ANKS1B: variants seen among roughly 807,000 people sequenced by gnomAD.
ANKS1B encodes the protein ankyrin repeat and sterile alpha motif domain containing 1B.
A neutral mutation model predicts 148.3 loss-of-function variants in ANKS1B; 36 were observed. The observed-to-expected ratio is 0.24, with a 90% CI of 0.19 to 0.32. The LOEUF is 0.32. ANKS1B is among the 10% of genes least tolerant of loss of function. The probability of loss-of-function intolerance (pLI) is 1.00; values close to 1 mark genes in which losing one functional copy is unlikely to be tolerated. For synonymous variants in ANKS1B, 542 were observed against 560.8 expected (o/e 0.97, Z 0.47); for missense variants, 1,157 against 1,542.6 (o/e 0.75, Z 4.19).
At chr12:99,476,469 T>C (rs1413592552) in intron 10 of ANKS1B, among the ~76,000 whole-genome samples, 1 of 152,094 alleles carries the variant, frequency 6.6e-6, no homozygotes, top group East Asian at 1.9e-4. Flanking sequence ...GAAAGAATAG[T>C]TGTACTACAT....
Position 99,218,168 on chromosome 12 carries a change from C to T in ANKS1B, c.2419+26174G>A, listed in dbSNP as rs187204755. 4.2e-3 allele frequency among the ~76,000 whole-genome samples: 634 copies of T among 152,244 alleles called. 3 individuals carry two copies. Among genetic ancestry groups the T allele is most frequent in the Admixed American group, 8.2e-3 (125 of 15,284 alleles). ...AAAGCTTCTTGGATGAAAAGATGCT[C>T]TCCTTCTAACTTCTGCTTTTTGAAT... On this transcript the variant is annotated intron_variant, in intron 14 of 26. Transcript: ENST00000683438.
At chr12:99,280,020 A>G (rs1044266989) in intron 12 of ANKS1B, among the ~76,000 whole-genome samples, 13 of 152,120 alleles carry the variant, frequency 8.5e-5, no homozygotes, top group African/African-American at 3.1e-4. Context: ...AATAAAAATA[A>G]AATAAATAAT....
intron 1 of ANKS1B, among the ~76,000 whole-genome samples, chr12:99,840,950 T>C (rs1425328803): frequency 3.9e-5 from 6 of 152,126 alleles, no homozygotes; most frequent in Non-Finnish European, 7.4e-5. Context: ...TTTCAGCATA[T>C]TAAGGAAACT....
At chr12:99,314,150 A>G (rs760822755) in intron 12 of ANKS1B, among the ~76,000 whole-genome samples, 2 of 152,150 alleles carry the variant, frequency 1.3e-5, no homozygotes, top group Admixed American at 6.5e-5. Context: ...CAAATAATGA[A>G]TGAACTCCCA....
At chr12:99,398,846 T>C (rs562152475) in intron 12 of ANKS1B, among the ~76,000 whole-genome samples, 20 of 152,296 alleles carry the variant, frequency 1.3e-4, no homozygotes, top group African/African-American at 4.6e-4. Flanking sequence ...GTAAAACCTC[T>C]ATCCGTCTGT....
intron 8 of ANKS1B, among the ~76,000 whole-genome samples, chr12:99,724,419 A>G (rs2153559182): frequency 1.3e-5 from 2 of 152,316 alleles, no homozygotes; most frequent in South Asian, 4.1e-4. Flanking sequence ...TTTGAAGACC[A>G]CCTTGCTGAA....
intron 14 of ANKS1B, among the ~76,000 whole-genome samples, chr12:99,192,359 T>C (rs1248007542): frequency 6.6e-6 from 1 of 152,174 alleles, no homozygotes; most frequent in Non-Finnish European, 1.5e-5. Context: ...CAATGAGACA[T>C]ATGGATTATC....
intron 12 of ANKS1B, among the ~76,000 whole-genome samples, chr12:99,290,045 T>C (rs1253480807): frequency 6.6e-6 from 1 of 150,626 alleles, no homozygotes; most frequent in Non-Finnish European, 1.5e-5. Flanking sequence ...AGAAAAAAAC[T>C]AAAAAGGCCT....
chr12:98,801,188 AC>A lies in ANKS1B; in HGVS notation c.3142-64del, dbSNP rs1248441883. 113 of 1,573,630 alleles carry A rather than the reference AC, an allele frequency of 7.2e-5. No individual in the cohort carries two copies. The highest frequency in any genetic ancestry group is 7.1e-5 in the Admixed American group (4 of 56,360). On this transcript the variant is annotated intron_variant, in intron 20 of 26. Transcript: ENST00000683438. This position sits in a 1 kb window ranked among gnomAD's most constrained non-coding sequence, Gnocchi z 5.2. ...TCAGCAAAGTTCATTCCCTGTAGCT[AC>A]CCTGAGCTCACCTTACACACAGGTG...
At chr12:98,864,129 C>CT (rs35024278) in intron 17 of ANKS1B, among the ~76,000 whole-genome samples, 3,019 of 140,260 alleles carry the variant, frequency 0.022, 47 homozygotes, top group African/African-American at 0.047. Flanking sequence ...GTCTGTGATG[C>CT]TTTTTTTTTT....
At chr12:98,914,873 A>G (rs1471832823) in intron 17 of ANKS1B, among the ~76,000 whole-genome samples, 1 of 152,136 alleles carries the variant, frequency 6.6e-6, no homozygotes, top group African/African-American at 2.4e-5. Context: ...ATGATTTTTC[A>G]TCCCTCCTTT....
At position 99,310,367 on chromosome 12, in the gene ANKS1B, A is replaced by G. The variant is rs192765545; in HGVS notation, c.1757-63503T>C. ...ATCAAACATGATGGATGTTTATGTGAGGGTATTTCTGAATGAGATTAATGT... is the reference window on the plus strand; with the variant it reads ...ATCAAACATGATGGATGTTTATGTGGGGGTATTTCTGAATGAGATTAATGT... On this transcript the variant is annotated intron_variant, in intron 12 of 26. Transcript: ENST00000683438. Among the ~76,000 whole-genome samples, 5 of 152,242 alleles carry G rather than the reference A, an allele frequency of 3.3e-5. No individual in the cohort carries two copies. The East Asian group carries it at 7.7e-4, about 24-fold the overall frequency.
chr12:99,492,981 G>T (rs900477645), intron 10 of ANKS1B, among the ~76,000 whole-genome samples: 14 of 152,164 alleles, frequency 9.2e-5, no homozygotes, highest in African/African-American at 3.4e-4. Context: ...ACTGGCACAA[G>T]ATAGGATGCC....
chr12:99,348,129 T>C (rs2090971350), intron 12 of ANKS1B, among the ~76,000 whole-genome samples: 1 of 151,820 alleles, frequency 6.6e-6, no homozygotes, highest in Non-Finnish European at 1.5e-5. Context: ...ATAAATCAAT[T>C]GAAATTATCC....
intron 8 of ANKS1B, among the ~76,000 whole-genome samples, chr12:99,724,984 C>T (rs1380165486): frequency 6.6e-6 from 1 of 152,182 alleles, no homozygotes; most frequent in Non-Finnish European, 1.5e-5. Flanking sequence ...CCATGCCTGC[C>T]TTACAAGAGC....
intron 10 of ANKS1B, among the ~76,000 whole-genome samples, chr12:99,503,794 A>AT (rs1324071881): frequency 1.3e-5 from 2 of 152,082 alleles, no homozygotes; most frequent in African/African-American, 4.8e-5. Flanking sequence ...TCTCTTCAGA[A>AT]TTTTTCTTAC....
intron 2 of ANKS1B, among the ~76,000 whole-genome samples, chr12:99,814,100 G>A (rs1159606869): frequency 6.6e-6 from 1 of 151,634 alleles, no homozygotes; most frequent in Non-Finnish European, 1.5e-5. Context: ...TGTAACTCGG[G>A]AGCAACGGGT....
chr12:98,757,828 T>C (rs149314145), intron 25 of ANKS1B, among the ~76,000 whole-genome samples: 44 of 152,370 alleles, frequency 2.9e-4, no homozygotes, highest in African/African-American at 9.4e-4. Flanking sequence ...CTTTGGTCTT[T>C]CTAGCATAAG....
At chr12:98,781,425 A>G in intron 23 of ANKS1B, 1 of 627,266 alleles carries the variant, frequency 1.6e-6, no homozygotes, top group Non-Finnish European at 3.0e-6. Context: ...TTATAAAGTT[A>G]TCCGTCTTGC....
Sources: allele counts gnomAD v4.1 joint callset (sites outside exome capture counted in the v4.1 genomes callset), GRCh38; gene constraint gnomAD v4.1.1; non-coding constraint Gnocchi (gnomAD v3.1); transcripts MANE v1.5; gene names NCBI Gene and HGNC (gene_info 2026-07-23, HGNC 2026-07-21).